The following KCMF1 variants were observed in gnomAD, a reference collection of about 807,000 sequenced individuals.
The protein encoded by KCMF1 is E3 ubiquitin-protein ligase KCMF1.
In KCMF1, 3 loss-of-function variants were observed where a neutral mutation model predicts 41.1. The observed-to-expected ratio is 0.07, with a 90% CI of 0.03 to 0.19. The LOEUF (loss-of-function observed/expected upper bound fraction) is 0.19, where lower values mean the gene tolerates loss of function less well. Among genes scored for constraint, KCMF1 ranks in the 10% least tolerant of loss-of-function variants. KCMF1 has a pLI of 1.00. For missense variants in KCMF1, 286 were observed against 488.9 expected, an observed-to-expected ratio of 0.58 and a Z score of 3.91; for synonymous variants, 142 against 164.5, an observed-to-expected ratio of 0.86 and a Z score of 1.04.
At chr2:84,983,675 A>AT (rs1332918595) in intron 1 of KCMF1, among the ~76,000 whole-genome samples, 2 of 151,982 alleles carry the variant, frequency 1.3e-5, no homozygotes, top group Non-Finnish European at 1.5e-5. Flanking sequence ...CACCCAGCTA[A>AT]TTTTTTTGTA....
intron 1 of KCMF1, among the ~76,000 whole-genome samples, chr2:85,026,355 T>C (rs1166725081): frequency 6.6e-6 from 1 of 151,720 alleles, no homozygotes; most frequent in Admixed American, 6.6e-5. Context: ...TTGGCTGGTC[T>C]TGAACTCCTG....
chr2:85,045,659 C>T (rs910116827), intron 4 of KCMF1, among the ~76,000 whole-genome samples: 3 of 152,102 alleles, frequency 2.0e-5, no homozygotes, highest in African/African-American at 7.2e-5. Context: ...AATTTTTCTT[C>T]GTGATAAATG....
At chr2:84,981,282 C>G (rs897773812) in intron 1 of KCMF1, among the ~76,000 whole-genome samples, 1 of 151,466 alleles carries the variant, frequency 6.6e-6, no homozygotes, top group Non-Finnish European at 1.5e-5. Context: ...CTCCGCCTCC[C>G]GGGTTCATGC....
In KCMF1 at chr2:85,058,641, A is replaced by C. The variant is rs1194480043; in HGVS notation, c.*5232A>C. The C allele has an allele frequency of 6.6e-6, 1 of 152,162 alleles. No individual in the cohort carries two copies. The highest frequency in any genetic ancestry group is 1.5e-5 in the Non-Finnish European group (1 of 68,024). The allele number at this position is 152,162 out of a possible 1,614,324, so 9.4% of individuals were successfully genotyped here. A position where few individuals can be genotyped will look rare whatever the true frequency, so the allele number is the denominator to read the frequency against. On this transcript the variant is annotated 3_prime_UTR_variant, in exon 7 of 7. Coordinates refer to ENST00000409785, the MANE Select transcript of KCMF1 (RefSeq NM_020122.5). The stretch of plus-strand genomic sequence containing the variant: ...CCCAGTAGGTACGAAGCTTTGTCTA[A>C]ACATTATTTACCAACTGCGATTTTT...
chr2:84,989,269 A>C (rs2103975088), intron 1 of KCMF1, among the ~76,000 whole-genome samples: 1 of 152,336 alleles, frequency 6.6e-6, no homozygotes, highest in African/African-American at 2.4e-5. Flanking sequence ...GATATAGTGG[A>C]AAAAACAGAT....
At chr2:85,033,179 T>C (rs1558582626) in intron 2 of KCMF1, among the ~76,000 whole-genome samples, 1 of 152,246 alleles carries the variant, frequency 6.6e-6, no homozygotes, top group Non-Finnish European at 1.5e-5. Context: ...AAAACTTTTA[T>C]GATCATTTAA....
intron 5 of KCMF1, among the ~76,000 whole-genome samples, 199 bp from the exon 6 acceptor site, chr2:85,049,167 A>G (rs1437409541): frequency 6.6e-6 from 1 of 152,232 alleles, no homozygotes; most frequent in African/African-American, 2.4e-5. Flanking sequence ...TAATATTCGT[A>G]TGCATTTGCA....
At chr2:85,051,384 C>T (rs11890061) in intron 6 of KCMF1, among the ~76,000 whole-genome samples, 2,766 of 152,048 alleles carry the variant, frequency 0.018, 81 homozygotes, top group African/African-American at 0.063. Flanking sequence ...GAATGTCTTG[C>T]CAGTGCCCTT....
At position 84,981,723 on chromosome 2, in the gene KCMF1, A is replaced by G. The variant is rs532682949; in HGVS notation, c.16+10256A>G. The stretch of plus-strand genomic sequence containing the variant: ...TGTCATCCTCCCTACTCAGCAAAGT[A>G]AAGGGTCTCTCCAGCAGCACTCCTG... On this transcript the variant is annotated intron_variant, in intron 1 of 6. Coordinates refer to ENST00000409785, the MANE Select transcript of KCMF1 (RefSeq NM_020122.5). 2.6e-4 allele frequency among the ~76,000 whole-genome samples: 39 copies of G among 152,256 alleles called. No individual in the cohort carries two copies. The East Asian group carries it at 2.9e-3, about 11-fold the overall frequency.
chr2:84,979,455 C>A (rs903688177), intron 1 of KCMF1, among the ~76,000 whole-genome samples: 1 of 149,500 alleles, frequency 6.7e-6, no homozygotes, highest in Non-Finnish European at 1.5e-5. Context: ...ACCCAGGAGG[C>A]GGAGGTTGCA....
At chr2:85,025,613 T>A (rs971653498) in intron 1 of KCMF1, among the ~76,000 whole-genome samples, 3 of 152,108 alleles carry the variant, frequency 2.0e-5, no homozygotes, top group African/African-American at 7.2e-5. Flanking sequence ...AAATGACATT[T>A]TTTTGGTTTT....
At chr2:84,982,420 T>TTTTG (rs1673787659) in intron 1 of KCMF1, among the ~76,000 whole-genome samples, 1 of 128,074 alleles carries the variant, frequency 7.8e-6, no homozygotes, top group African/African-American at 3.0e-5. Flanking sequence ...TTTTTTTTTT[T>TTTTG]TTGAGCCAGT....
At chr2:85,043,154 T>A (rs1675582730) in intron 3 of KCMF1, among the ~76,000 whole-genome samples, 1 of 152,234 alleles carries the variant, frequency 6.6e-6, no homozygotes, top group South Asian at 2.1e-4. Context: ...GCTGTCTTAT[T>A]TGGGAATTGG....
At position 85,015,109 on chromosome 2, in the gene KCMF1, G is replaced by A. The variant is rs949205018; in HGVS notation, c.17-12780G>A. 4.2e-5 allele frequency among the ~76,000 whole-genome samples: 6 copies of A among 142,276 alleles called. No homozygotes were observed. The South Asian group carries it at 8.9e-4, about 21-fold the overall frequency. 93.3% of individuals were successfully genotyped at this position (142,276 alleles called of 152,430 possible). A position where few individuals can be genotyped will look rare whatever the true frequency, so the allele number is the denominator to read the frequency against. ...GCGGAGGTTGCAGTGAGCCGAGATC[G>A]CGCCACTGCACTCCAGCCTGGGCGA... On this transcript the variant is annotated intron_variant, in intron 1 of 6. Coordinates refer to ENST00000409785, the MANE Select transcript of KCMF1 (RefSeq NM_020122.5).
rs748971829 is a variant in KCMF1, at chr2:85,049,634, G to A, written c.870G>A (p.Gln290=). ...ESSQQTLQNS[Q]FLLTRLNDPK... is the part of the protein sequence containing the mutation. ...GTCAGCAGACTCTACAGAATTCCCA[G>A]TTTCTTTTAACAAGGTAGCTCATTT... The change falls in exon 6 of 7, where the codon CAG becomes CAA. Residue 290 remains glutamine, a synonymous_variant. Coordinates refer to ENST00000409785, the MANE Select transcript of KCMF1 (RefSeq NM_020122.5). The A allele has an allele frequency of 1.2e-6, 2 of 1,611,758 alleles. No homozygotes were observed. Among genetic ancestry groups the A allele is most frequent in the South Asian group, 2.2e-5 (2 of 90,966 alleles).
chr2:84,988,232 CAA>C (rs879272344), intron 1 of KCMF1, among the ~76,000 whole-genome samples: 2 of 130,016 alleles, frequency 1.5e-5, no homozygotes, highest in Admixed American at 7.7e-5. Context: ...AACTCCATTT[CAA>C]AAAAAAAAAA....
intron 3 of KCMF1, among the ~76,000 whole-genome samples, chr2:85,042,717 T>A (rs1675567900): frequency 6.6e-6 from 1 of 152,210 alleles, no homozygotes; most frequent in Non-Finnish European, 1.5e-5. Context: ...ATCTGTCCAT[T>A]TGAATTTCGG....
intron 1 of KCMF1, among the ~76,000 whole-genome samples, chr2:85,022,105 C>T (rs542255738): frequency 6.6e-6 from 1 of 152,236 alleles, no homozygotes; most frequent in East Asian, 1.9e-4. Flanking sequence ...GTGTGAGCCA[C>T]CACGCCCGGC....
intron 1 of KCMF1, among the ~76,000 whole-genome samples, chr2:84,977,192 C>A (rs1212271049): frequency 6.6e-6 from 1 of 151,974 alleles, no homozygotes; most frequent in East Asian, 1.9e-4. Flanking sequence ...ATTTTCTCTT[C>A]TCAAAAAATG....
Sources: gnomAD v4.1 joint callset for allele counts (sites outside exome capture counted in the v4.1 genomes callset) on GRCh38, gnomAD v4.1.1 for gene constraint, MANE v1.5 for transcripts, NCBI Gene and HGNC (gene_info 2026-07-23, HGNC 2026-07-21) for gene names.